Variants in LRFN2 observed in about 807,000 individuals in gnomAD.
LRFN2 encodes the protein leucine-rich repeat and fibronectin type-III domain-containing protein 2.
A neutral mutation model predicts 37.3 loss-of-function variants in LRFN2; 18 were observed. The ratio of observed to expected loss-of-function variants is 0.48; its 90% CI spans 0.33 to 0.72. The LOEUF (loss-of-function observed/expected upper bound fraction) is 0.72. Among genes scored for constraint, LRFN2 ranks in the 30% least tolerant of loss-of-function variants. LRFN2 has a pLI of 0.02. For missense variants in LRFN2, 1,006 were observed against 1,060.7 expected (o/e 0.95, Z 0.72); for synonymous variants, 556 against 466.6 (o/e 1.19, Z -2.47).
At chr6:40,428,043 C>T (rs947715396) in intron 2 of LRFN2, among the ~76,000 whole-genome samples, 4 of 152,226 alleles carry the variant, frequency 2.6e-5, no homozygotes, top group Admixed American at 6.5e-5. Context: ...ACACCTTGAG[C>T]AAGTTTCTTC....
chr6:40,504,113 A>G (rs538157967), intron 1 of LRFN2, among the ~76,000 whole-genome samples: 48 of 152,318 alleles, frequency 3.2e-4, no homozygotes, highest in Admixed American at 4.6e-4. Context: ...CAGAAAGACC[A>G]ATGCAGACAG....
At chr6:40,570,678 G>T (rs1342515022) in intron 1 of LRFN2, among the ~76,000 whole-genome samples, 1 of 152,224 alleles carries the variant, frequency 6.6e-6, no homozygotes, top group East Asian at 1.9e-4. Flanking sequence ...AAACTTTAGA[G>T]TGGGAGTGGT....
chr6:40,477,813 T>C (rs1764741565), intron 1 of LRFN2, among the ~76,000 whole-genome samples: 2 of 152,086 alleles, frequency 1.3e-5, no homozygotes, highest in African/African-American at 2.4e-5. Context: ...CAAAGCTCTT[T>C]AGCGCCATGG....
chr6:40,490,796 C>G (rs1263910233), intron 1 of LRFN2, among the ~76,000 whole-genome samples: 1 of 152,222 alleles, frequency 6.6e-6, no homozygotes, highest in Non-Finnish European at 1.5e-5. Flanking sequence ...CCTGCTACTG[C>G]CAACCTGCCT....
intron 1 of LRFN2, among the ~76,000 whole-genome samples, chr6:40,551,427 T>C (rs1279857630): frequency 6.6e-6 from 1 of 152,210 alleles, no homozygotes; most frequent in African/African-American, 2.4e-5. Context: ...CAAGGCCTGC[T>C]CAAGCTTCTC....
chr6:40,547,395 G>A lies in LRFN2; in HGVS notation c.-19+39546C>T, dbSNP rs190148562. ...GCTGGGATTATAGGTGTGAGCCATC[G>A]CGCCTGGCCACAAACCTTAATTAAA... On this transcript the variant is annotated intron_variant, in intron 1 of 2. Transcript: ENST00000338305. Among the ~76,000 whole-genome samples the A allele has an allele frequency of 5.4e-3, 828 of 152,238 alleles. 5 individuals carry two copies. Among genetic ancestry groups the A allele is most frequent in the Non-Finnish European group, 9.1e-3 (621 of 68,014 alleles).
chr6:40,467,870 G>A (rs1156352485), intron 1 of LRFN2, among the ~76,000 whole-genome samples: 1 of 152,080 alleles, frequency 6.6e-6, no homozygotes, highest in Non-Finnish European at 1.5e-5. Context: ...TCAGACAGAG[G>A]AGCCAAATAT....
intron 1 of LRFN2, among the ~76,000 whole-genome samples, chr6:40,485,099 TTTA>T (rs1322565683): frequency 3.9e-5 from 6 of 152,168 alleles, no homozygotes; most frequent in Non-Finnish European, 8.8e-5. Flanking sequence ...TCCTCTTTGG[TTTA>T]TTATTCTAGC....
intron 2 of LRFN2, among the ~76,000 whole-genome samples, chr6:40,428,042 G>A (rs1274098861): frequency 6.6e-6 from 1 of 152,196 alleles, no homozygotes; most frequent in Non-Finnish European, 1.5e-5. Flanking sequence ...AACACCTTGA[G>A]CAAGTTTCTT....
intron 1 of LRFN2, among the ~76,000 whole-genome samples, chr6:40,554,301 A>G (rs1379974595): frequency 1.3e-5 from 2 of 152,184 alleles, no homozygotes; most frequent in Non-Finnish European, 2.9e-5. Flanking sequence ...ATAGTGGACT[A>G]ACCTCATGCC....
At position 40,549,954 on chromosome 6, in the gene LRFN2, A is replaced by T. The variant is rs974350560; in HGVS notation, c.-19+36987T>A. On this transcript the variant is annotated intron_variant, in intron 1 of 2. Transcript: ENST00000338305. ...GAGGCTGAAGCAGGAGATTCGCTTG[A>T]ACCCAGGAGGCGGAGGTTGCAGTGA... is the stretch of plus-strand genomic sequence containing the variant. Among the ~76,000 whole-genome samples, 3 of 152,132 alleles carry T rather than the reference A, an allele frequency of 2.0e-5. 1 individual carries two copies. Among genetic ancestry groups the T allele is most frequent in the Admixed American group, 6.6e-5 (1 of 15,254 alleles).
chr6:40,400,738 A>G (rs1054289718), intron 2 of LRFN2, among the ~76,000 whole-genome samples: 2 of 151,670 alleles, frequency 1.3e-5, no homozygotes, highest in African/African-American at 2.4e-5. Context: ...GTGTTTTTCT[A>G]TATCCTTGAG....
In LRFN2 at chr6:40,433,122, C is replaced by T; in HGVS notation, c.-9G>A. 1 of 1,516,712 alleles carries T rather than the reference C, an allele frequency of 6.6e-7. No homozygotes were observed. Among genetic ancestry groups the T allele is most frequent in the Middle Eastern group, 1.8e-4 (1 of 5,560 alleles). The allele number at this position is 1,516,712 out of a possible 1,614,324, so 94.0% of individuals were successfully genotyped here. A position where few individuals can be genotyped will look rare whatever the true frequency, so the allele number is the denominator to read the frequency against. ...CCAAGCAGGGTCTCCATGGTCTGGT[C>T]ACTCAGCGCCTGGAAGGGAGAAACA... On this transcript the variant is annotated 5_prime_UTR_variant, in exon 2 of 3. It removes the in-frame stop codon of an upstream open reading frame in the 5' UTR. Coordinates refer to ENST00000338305, the MANE Select transcript of LRFN2 (RefSeq NM_020737.3).
At chr6:40,547,869 G>C (rs1296511326) in intron 1 of LRFN2, among the ~76,000 whole-genome samples, 1 of 152,140 alleles carries the variant, frequency 6.6e-6, no homozygotes, top group African/African-American at 2.4e-5. Context: ...AGTGTTACCA[G>C]CCCCAGGGTA....
At chr6:40,561,750 C>T (rs1766999528) in intron 1 of LRFN2, among the ~76,000 whole-genome samples, 1 of 152,198 alleles carries the variant, frequency 6.6e-6, no homozygotes, top group Non-Finnish European at 1.5e-5. Flanking sequence ...TAATCCACAC[C>T]TATCCCTGGT....
intron 1 of LRFN2, among the ~76,000 whole-genome samples, chr6:40,515,774 T>A (rs1023212440): frequency 7.3e-5 from 11 of 150,614 alleles, no homozygotes; most frequent in South Asian, 6.3e-4. Flanking sequence ...GTGACTGTAA[T>A]CCCAGGTACT....
chr6:40,520,772 C>G (rs1766038773), intron 1 of LRFN2, among the ~76,000 whole-genome samples: 1 of 152,114 alleles, frequency 6.6e-6, no homozygotes, highest in Non-Finnish European at 1.5e-5. Flanking sequence ...TCTGCCCAGG[C>G]CTGGCTAGCC....
intron 2 of LRFN2, among the ~76,000 whole-genome samples, chr6:40,406,229 ATC>A (rs1220284567): frequency 1.3e-5 from 2 of 152,314 alleles, no homozygotes; most frequent in East Asian, 3.9e-4. Flanking sequence ...AAATGAGCGA[ATC>A]TCTGTGATTT....
intron 1 of LRFN2, among the ~76,000 whole-genome samples, chr6:40,513,667 G>A (rs187182202): frequency 1.3e-3 from 193 of 152,276 alleles, no homozygotes; most frequent in Non-Finnish European, 2.0e-3. Context: ...AACCAATTAA[G>A]TTAACTATAT....
Sources: allele counts gnomAD v4.1 joint callset (sites outside exome capture counted in the v4.1 genomes callset), GRCh38; gene constraint gnomAD v4.1.1; transcripts MANE v1.5; gene names NCBI Gene and HGNC (gene_info 2026-07-23, HGNC 2026-07-21).